ZNF410: variants seen among roughly 807,000 people sequenced by gnomAD.
The protein encoded by ZNF410 is another partner for ARF 1.
ZNF410 carries 18 observed loss-of-function variants against 54.8 expected under a neutral mutation model. The observed-to-expected ratio is 0.33, with a 90% confidence interval of 0.23 to 0.49. The LOEUF (loss-of-function observed/expected upper bound fraction) is 0.49, where lower values mean the gene tolerates loss of function less well. Among genes scored for constraint, ZNF410 ranks in the 20% least tolerant of loss-of-function variants. The pLI, the probability that ZNF410 is intolerant of heterozygous loss-of-function variation, is 0.99. For synonymous variants in ZNF410, 191 were observed against 207.3 expected (o/e 0.92, Z 0.68); for missense variants, 405 against 569.6 (o/e 0.71, Z 2.94).
chr14:73,923,703 G>C (rs1291637368), intron 11 of ZNF410, among the ~76,000 whole-genome samples, 181 bp downstream of exon 11: 1 of 152,196 alleles, frequency 6.6e-6, no homozygotes, highest in Non-Finnish European at 1.5e-5. Context: ...TTAATGAATT[G>C]GAGATTGGTC....
intron 8 of ZNF410, among the ~76,000 whole-genome samples, chr14:73,915,159 G>A (rs1056632573): frequency 1.3e-5 from 2 of 150,358 alleles, no homozygotes; most frequent in Admixed American, 1.3e-4. Context: ...CTATTCAGGT[G>A]GCTGAGGCAT....
intron 4 of ZNF410, among the ~76,000 whole-genome samples, chr14:73,896,855 G>C (rs898822455): frequency 6.6e-6 from 1 of 152,160 alleles, no homozygotes; most frequent in South Asian, 2.1e-4. Flanking sequence ...ATGTCCTTTA[G>C]AGAGTTAGAA....
chr14:73,930,130 C>T (rs1161242745), intron 11 of ZNF410, among the ~76,000 whole-genome samples: 1 of 152,154 alleles, frequency 6.6e-6, no homozygotes. Context: ...ATAGAAATTA[C>T]AAATTCTATA....
intron 8 of ZNF410, among the ~76,000 whole-genome samples, chr14:73,911,656 G>A (rs2055580444): frequency 1.3e-5 from 2 of 152,002 alleles, no homozygotes; most frequent in South Asian, 2.1e-4. Flanking sequence ...TAGCAACAGT[G>A]GTGTTATACC....
intron 8 of ZNF410, among the ~76,000 whole-genome samples, chr14:73,912,373 G>A (rs2055596131): frequency 6.6e-6 from 1 of 151,942 alleles, no homozygotes; most frequent in Admixed American, 6.6e-5. Context: ...TCACCATGTG[G>A]CCAGGCTGGT....
At chr14:73,926,842 G>A (rs1328715390) in intron 11 of ZNF410, among the ~76,000 whole-genome samples, 1 of 152,098 alleles carries the variant, frequency 6.6e-6, no homozygotes, top group African/African-American at 2.4e-5. Flanking sequence ...CTAAAAACTG[G>A]TAGTTACATT....
intron 5 of ZNF410, among the ~76,000 whole-genome samples, chr14:73,901,080 T>C (rs2055398893): frequency 6.6e-6 from 1 of 152,242 alleles, no homozygotes; most frequent in Non-Finnish European, 1.5e-5. Flanking sequence ...GCATGTTATC[T>C]TCACTTACAG....
chr14:73,912,565 C>A (rs2055600182), intron 8 of ZNF410, among the ~76,000 whole-genome samples: 1 of 152,200 alleles, frequency 6.6e-6, no homozygotes, highest in Non-Finnish European at 1.5e-5. Context: ...TTACTCCTTT[C>A]ACATTAGTTG....
chr14:73,904,502 C>T (rs1049021129), intron 6 of ZNF410, among the ~76,000 whole-genome samples: 1 of 152,188 alleles, frequency 6.6e-6, no homozygotes, highest in East Asian at 1.9e-4. Context: ...CTCACTTTGT[C>T]ACCCAGGGTG....
At position 73,922,267 on chromosome 14, in the gene ZNF410, G is replaced by A. The variant is rs558840349; in HGVS notation, c.1270+61G>A. ...GGGCTGCAACTAGGGGCTAAGGAAT[G>A]GGGTGTCTCCACAATGTATGTTTAA... On this transcript the variant is annotated intron_variant, in intron 10 of 11. Transcript: ENST00000555044. The A allele has an allele frequency of 1.6e-5, 25 of 1,540,296 alleles. No homozygotes were observed. In the East Asian group the frequency reaches 5.5e-4, roughly 34 times the overall value.
chr14:73,917,754 G>A (rs1594762251), intron 8 of ZNF410, among the ~76,000 whole-genome samples: 1 of 151,960 alleles, frequency 6.6e-6, no homozygotes, highest in South Asian at 2.1e-4. Context: ...ACCTGGGAGG[G>A]GGAGGTTGCA....
intron 8 of ZNF410, among the ~76,000 whole-genome samples, chr14:73,915,108 C>T (rs1157934873): frequency 6.7e-6 from 1 of 150,256 alleles, no homozygotes; most frequent in Non-Finnish European, 1.5e-5. Flanking sequence ...ACTAAAAATA[C>T]AAAATTATCC....
At chr14:73,926,314 A>G (rs2055830030) in intron 11 of ZNF410, among the ~76,000 whole-genome samples, 1 of 152,146 alleles carries the variant, frequency 6.6e-6, no homozygotes, top group Non-Finnish European at 1.5e-5. Flanking sequence ...TGCTAGAGTC[A>G]GGATTCAAAC....
At chr14:73,907,389 A>G (rs1012865499) in intron 7 of ZNF410, among the ~76,000 whole-genome samples, 1 of 150,260 alleles carries the variant, frequency 6.7e-6, no homozygotes, top group Admixed American at 6.6e-5. Context: ...CTTGAGGGCA[A>G]GAGTTCGAGA....
rs1462678937 is a variant in ZNF410, at chr14:73,907,893, TG to T, written c.914-1447del. Among the ~76,000 whole-genome samples, 3 of 147,742 alleles carry T rather than the reference TG, an allele frequency of 2.0e-5. No homozygotes were observed. In the South Asian group the frequency reaches 6.4e-4, roughly 32 times the overall value. ...GGGCAACAAGAGCGAAACTCTGTCT[TG>T]AAAAAAAAAAAAAAAAGTAAATCTG... is the stretch of plus-strand genomic sequence containing the variant. On this transcript the variant is annotated intron_variant, in intron 7 of 11. Coordinates refer to ENST00000555044, the MANE Select transcript of ZNF410 (RefSeq NM_021188.3).
At chr14:73,923,653 A>G in intron 11 of ZNF410, 131 bp downstream of exon 11, 1 of 1,254,938 alleles carries the variant, frequency 8.0e-7, no homozygotes, top group Non-Finnish European at 1.1e-6. Context: ...CTTTAAATTA[A>G]GCATGAGTTC....
At chr14:73,897,631 A>C (rs917434657) in intron 4 of ZNF410, among the ~76,000 whole-genome samples, 3 of 152,174 alleles carry the variant, frequency 2.0e-5, no homozygotes, top group South Asian at 4.1e-4. Context: ...CTCTTCAGTG[A>C]GAAGTTTGAG....
chr14:73,891,999 C>G, intron 1 of ZNF410, 28 bp from the exon 2 acceptor site: 1 of 712,374 alleles, frequency 1.4e-6, no homozygotes, highest in Non-Finnish European at 2.5e-6. Flanking sequence ...TCTTAATGCC[C>G]CCTCTCTCTT....
intron 10 of ZNF410, 133 bp from the exon 11 acceptor site, chr14:73,923,258 GATTA>G: frequency 1.0e-6 from 1 of 1,001,110 alleles, no homozygotes; most frequent in South Asian, 2.2e-5. Flanking sequence ...TATCAGACAG[GATTA>G]ACTTGGAAGA....
Sources: allele counts gnomAD v4.1 joint callset (sites outside exome capture counted in the v4.1 genomes callset), GRCh38; gene constraint gnomAD v4.1.1; transcripts MANE v1.5; gene names NCBI Gene and HGNC (gene_info 2026-07-23, HGNC 2026-07-21).